PRKN: variants seen among roughly 807,000 people sequenced by gnomAD.
The protein encoded by PRKN is parkin RBR E3 ubiquitin protein ligase, also known as E3 ubiquitin-protein ligase parkin.
Under a neutral mutation model 59.5 loss-of-function variants are expected in PRKN, and 56 were observed. That is an observed-to-expected ratio of 0.94 (90% CI 0.76 to 1.18). PRKN has a LOEUF of 1.18. Ranked by LOEUF, PRKN falls within the 50% of genes most tolerant of loss-of-function variation. The pLI is 0.00. For missense variants in PRKN, 657 were observed against 596.4 expected (o/e 1.10, Z -1.06); for synonymous variants, 250 against 222.1 (o/e 1.13, Z -1.12).
rs544534355 is a variant in PRKN at position 162,559,972 on chromosome 6, T to C, written c.8-116499A>G. Among the ~76,000 whole-genome samples the C allele has an allele frequency of 5.9e-5, 9 of 152,344 alleles. No homozygotes were observed. In the South Asian group the frequency reaches 1.5e-3, roughly 25 times the overall value. Reference sequence around the variant, plus strand: ...ATTCTCTTGTCTCAGCTTTCTTCCATATAAAATGAGTTGTCTAACAAACAG... The same window carrying C: ...ATTCTCTTGTCTCAGCTTTCTTCCACATAAAATGAGTTGTCTAACAAACAG... On this transcript the variant is annotated intron_variant, in intron 1 of 11. Transcript: ENST00000366898.
In PRKN at chr6:161,753,687, A is replaced by G. The variant is rs535605915; in HGVS notation, c.871+32085T>C. 3.3e-5 allele frequency among the ~76,000 whole-genome samples: 5 copies of G among 152,242 alleles called. No individual in the cohort carries two copies. The South Asian group carries it at 1.0e-3, about 32-fold the overall frequency. ...CTCAAGAGCCAACCCCGAGTGGGGG[A>G]GCCCAAGCCCAATGGGGGCGGGGGG... On this transcript the variant is annotated intron_variant, in intron 7 of 11. Transcript: ENST00000366898.
rs532508511 is a variant in PRKN at position 162,317,233 on chromosome 6, A to G, written c.172-54468T>C. Among the ~76,000 whole-genome samples, 4 of 152,160 alleles carry G rather than the reference A, an allele frequency of 2.6e-5. No homozygotes were observed. In the South Asian group the frequency reaches 6.2e-4, roughly 24 times the overall value. On this transcript the variant is annotated intron_variant, in intron 2 of 11. Transcript: ENST00000366898. Reference sequence around the variant, plus strand: ...GTAATAATCCTCTCACATCAAGGGCAGGGCCAGCTGGACATAATTGAATCA... The same window carrying G: ...GTAATAATCCTCTCACATCAAGGGCGGGGCCAGCTGGACATAATTGAATCA...
chr6:162,713,437 T>C (rs1379199299), intron 1 of PRKN, among the ~76,000 whole-genome samples: 1 of 132,126 alleles, frequency 7.6e-6, no homozygotes, highest in East Asian at 2.1e-4. Context: ...GAGCTTGCAA[T>C]GAGCCAAGAT....
chr6:162,373,014 T>C (rs1413772396), intron 2 of PRKN, among the ~76,000 whole-genome samples: 3 of 152,104 alleles, frequency 2.0e-5, no homozygotes, highest in African/African-American at 7.2e-5. Flanking sequence ...AGGAGTACTT[T>C]TTCAGGTCAA....
intron 1 of PRKN, among the ~76,000 whole-genome samples, chr6:162,720,131 T>C (rs936742827): frequency 6.6e-6 from 1 of 152,132 alleles, no homozygotes; most frequent in African/African-American, 2.4e-5. Context: ...ACTCCAAAAA[T>C]ATCTCACAAT....
intron 6 of PRKN, among the ~76,000 whole-genome samples, chr6:161,936,084 G>A (rs886195157): frequency 6.6e-6 from 1 of 152,128 alleles, no homozygotes; most frequent in Admixed American, 6.5e-5. Context: ...AATTATAACA[G>A]GAGATGAAAC....
chr6:162,001,070 G>A lies in PRKN; in HGVS notation c.619-27653C>T, dbSNP rs114710916. Among the ~76,000 whole-genome samples, 602 of 151,990 alleles carry A rather than the reference G, an allele frequency of 4.0e-3. 5 individuals are homozygous for A. The highest frequency in any genetic ancestry group is 0.014 in the African/African-American group (584 of 41,496). On this transcript the variant is annotated intron_variant, in intron 5 of 11. Coordinates refer to ENST00000366898, the MANE Select transcript of PRKN (RefSeq NM_004562.3). ...TTTTGTATAGTTAAGCCTTAAAATT[G>A]GATAGTGTCAGTCCTCTGACTTTAT...
chr6:161,725,518 T>G (rs1214947604), intron 7 of PRKN, among the ~76,000 whole-genome samples: 1 of 152,194 alleles, frequency 6.6e-6, no homozygotes, highest in Non-Finnish European at 1.5e-5. Flanking sequence ...GGGAAGAGCC[T>G]GAATCTTTTA....
At chr6:161,719,027 CTT>C (rs1787108632) in intron 7 of PRKN, among the ~76,000 whole-genome samples, 1 of 152,122 alleles carries the variant, frequency 6.6e-6, no homozygotes, top group Non-Finnish European at 1.5e-5. Flanking sequence ...ATTACAAAGA[CTT>C]TCTTATTTGC....
At chr6:161,853,270 T>C (rs1429728884) in intron 6 of PRKN, among the ~76,000 whole-genome samples, 1 of 152,206 alleles carries the variant, frequency 6.6e-6, no homozygotes, top group East Asian at 1.9e-4. Flanking sequence ...CCTGGTTTTA[T>C]GTGAATATTG....
intron 1 of PRKN, among the ~76,000 whole-genome samples, chr6:162,625,807 A>C (rs561202284): frequency 1.3e-5 from 2 of 152,294 alleles, no homozygotes; most frequent in South Asian, 4.1e-4. Flanking sequence ...CACATCTCAT[A>C]GTTCCTTTCT....
intron 1 of PRKN, among the ~76,000 whole-genome samples, chr6:162,511,270 C>T (rs1777604664): frequency 6.6e-6 from 1 of 151,672 alleles, no homozygotes; most frequent in South Asian, 2.1e-4. Flanking sequence ...GTTTGTAGCA[C>T]TTACTGAGAT....
At chr6:162,403,160 A>T (rs957192966) in intron 2 of PRKN, among the ~76,000 whole-genome samples, 1 of 152,092 alleles carries the variant, frequency 6.6e-6, no homozygotes, top group South Asian at 2.1e-4. Context: ...ATGAACGTGA[A>T]ATTCTTTCAA....
At chr6:162,562,602 G>A (rs185351373) in intron 1 of PRKN, among the ~76,000 whole-genome samples, 1 of 152,262 alleles carries the variant, frequency 6.6e-6, no homozygotes, top group East Asian at 1.9e-4. Flanking sequence ...ACAGGGTGAG[G>A]CTCCTCTGCC....
intron 1 of PRKN, among the ~76,000 whole-genome samples, chr6:162,670,490 G>T (rs1259354563): frequency 6.6e-6 from 1 of 152,096 alleles, no homozygotes; most frequent in Non-Finnish European, 1.5e-5. Flanking sequence ...TCACAAAACA[G>T]CCTTGCCACT....
intron 4 of PRKN, among the ~76,000 whole-genome samples, chr6:162,160,248 A>G (rs778727531): frequency 6.6e-5 from 10 of 152,210 alleles, no homozygotes; most frequent in African/African-American, 9.6e-5. Flanking sequence ...AGATTCAAGC[A>G]GACTAAATTT....
chr6:162,390,788 G>T (rs1168917111), intron 2 of PRKN, among the ~76,000 whole-genome samples: 1 of 152,120 alleles, frequency 6.6e-6, no homozygotes, highest in East Asian at 1.9e-4. Context: ...TTGACTATTT[G>T]TTAACATAAT....
At chr6:161,651,727 T>C (rs1784155867) in intron 7 of PRKN, among the ~76,000 whole-genome samples, 1 of 152,186 alleles carries the variant, frequency 6.6e-6, no homozygotes, top group Admixed American at 6.5e-5. Context: ...GATATACCTT[T>C]TAAAGTTCAT....
rs1183370598 is a variant in PRKN, at chr6:161,547,698, C to A, written c.1083+1156G>T. ...GTTGGCAACCTGCTGAGGCCACACA[C>A]AATCATTGCAGATAATTCAGCACAT... On this transcript the variant is annotated intron_variant, in intron 9 of 11. Transcript: ENST00000366898. The surrounding 1 kb of genome is among the most constrained non-coding windows in gnomAD (Gnocchi z 4.0). 6.6e-6 allele frequency among the ~76,000 whole-genome samples: 1 copy of A among 152,216 alleles called. No homozygotes were observed. Among genetic ancestry groups the A allele is most frequent in the Non-Finnish European group, 1.5e-5 (1 of 68,034 alleles).
Sources: gnomAD v4.1 joint callset for allele counts (sites outside exome capture counted in the v4.1 genomes callset) on GRCh38, gnomAD v4.1.1 for gene constraint, Gnocchi (gnomAD v3.1) non-coding constraint, MANE v1.5 for transcripts, NCBI Gene and HGNC (gene_info 2026-07-23, HGNC 2026-07-21) for gene names.